OR7E24: variants seen among roughly 807,000 people sequenced by gnomAD.
The protein encoded by OR7E24 is olfactory receptor 7E24.
For missense variants in OR7E24, 385 were observed against 410.3 expected, an observed-to-expected ratio of 0.94 and a Z score of 0.53; for synonymous variants, 130 against 157.5, an observed-to-expected ratio of 0.83 and a Z score of 1.31.
At chr19:9,234,798 A>G in the OR7E24 span, among the ~76,000 whole-genome samples, 1 of 152,230 alleles carries the variant, frequency 6.6e-6, no homozygotes, top group Admixed American at 6.5e-5. Context: ...GAAAATGCGT[A>G]TCTTAATCAT....
chr19:9,223,666 C>A, the OR7E24 span, among the ~76,000 whole-genome samples: 2 of 151,630 alleles, frequency 1.3e-5, no homozygotes, highest in Non-Finnish European at 2.9e-5. Context: ...GAAGCCATGG[C>A]TCATTTTTTA....
chr19:9,243,344 AT>A (rs58510880), upstream of OR7E24, among the ~76,000 whole-genome samples: 18,491 of 138,786 alleles, frequency 0.13, 1,685 homozygotes, highest in African/African-American at 0.29. Flanking sequence ...TTGCTCTGGC[AT>A]TTTTTTTTTT....
At chr19:9,210,126 T>G in the OR7E24 span, 1 of 152,204 alleles carries the variant, frequency 6.6e-6, no homozygotes, top group Non-Finnish European at 1.5e-5. Context: ...ACCTCTACAT[T>G]CCTGTCATTT....
the OR7E24 span, among the ~76,000 whole-genome samples, chr19:9,227,419 G>C: frequency 1.6e-4 from 24 of 152,012 alleles, no homozygotes; most frequent in African/African-American, 5.8e-4. Flanking sequence ...TAGTAGAGAC[G>C]GGGTTTCGCC....
the OR7E24 span, chr19:9,235,304 A>G: frequency 8.0e-7 from 1 of 1,257,858 alleles, no homozygotes; most frequent in African/African-American, 1.5e-5. Flanking sequence ...TCTGACTCCC[A>G]CCTCCACAGC....
the OR7E24 span, among the ~76,000 whole-genome samples, chr19:9,215,729 A>G: frequency 6.6e-6 from 1 of 152,226 alleles, no homozygotes; most frequent in Non-Finnish European, 1.5e-5. Context: ...TACTATTACT[A>G]TTAATCTTAT....
the OR7E24 span, chr19:9,219,205 G>A: frequency 6.6e-6 from 1 of 152,262 alleles, no homozygotes; most frequent in Admixed American, 6.5e-5. Flanking sequence ...AATACCTTGA[G>A]CATAGTAGAT....
chr19:9,230,920 T>C, the OR7E24 span, among the ~76,000 whole-genome samples: 1 of 152,068 alleles, frequency 6.6e-6, no homozygotes, highest in East Asian at 1.9e-4. Flanking sequence ...TATTTATTGA[T>C]TGATTGATTG....
chr19:9,241,484 G>A, the OR7E24 span, among the ~76,000 whole-genome samples: 2 of 152,068 alleles, frequency 1.3e-5, no homozygotes, highest in Admixed American at 1.3e-4. Context: ...ATCCCGGCTC[G>A]ACCAGGCTTG....
At chr19:9,206,829 T>C in the OR7E24 span, 17 of 152,248 alleles carry the variant, frequency 1.1e-4, no homozygotes, top group African/African-American at 4.1e-4. Flanking sequence ...AAGCAGGCTA[T>C]GTGTGACGAA....
the OR7E24 span, among the ~76,000 whole-genome samples, chr19:9,233,389 G>A: frequency 2.6e-5 from 4 of 152,192 alleles, no homozygotes; most frequent in African/African-American, 4.8e-5. Context: ...TATATATGTT[G>A]ATGATCGACT....
the OR7E24 span, among the ~76,000 whole-genome samples, chr19:9,241,249 C>G: frequency 6.6e-6 from 1 of 152,120 alleles, no homozygotes; most frequent in African/African-American, 2.4e-5. Context: ...TTAATAACAT[C>G]CACTTGGCAG....
the OR7E24 span, chr19:9,214,333 A>G: frequency 1.2e-6 from 2 of 1,614,190 alleles, no homozygotes; most frequent in Non-Finnish European, 1.7e-6. Context: ...GTGCCTGTGG[A>G]GAAGGTCAAC....
At chr19:9,234,649 A>G in the OR7E24 span, among the ~76,000 whole-genome samples, 1 of 152,212 alleles carries the variant, frequency 6.6e-6, no homozygotes, top group Non-Finnish European at 1.5e-5. Flanking sequence ...TGTGATTATT[A>G]TGTATTCTAT....
upstream of OR7E24, among the ~76,000 whole-genome samples, chr19:9,244,264 T>A (rs142726387): frequency 6.6e-5 from 10 of 152,182 alleles, no homozygotes; most frequent in African/African-American, 2.4e-4. Context: ...AAAAGAAAAG[T>A]TGAAGGTCTC....
upstream of OR7E24, among the ~76,000 whole-genome samples, chr19:9,250,748 A>G (rs1326739806): frequency 6.6e-6 from 1 of 152,206 alleles, no homozygotes; most frequent in Non-Finnish European, 1.5e-5. Context: ...TAAAGGGGCA[A>G]GAATATTTTT....
At chr19:9,215,008 T>C in the OR7E24 span, 1 of 589,028 alleles carries the variant, frequency 1.7e-6, no homozygotes, top group East Asian at 2.8e-5. Flanking sequence ...CTATTTTTAT[T>C]CTATTTGTGT....
At chr19:9,232,991 C>G in the OR7E24 span, among the ~76,000 whole-genome samples, 1 of 151,502 alleles carries the variant, frequency 6.6e-6, no homozygotes, top group African/African-American at 2.4e-5. Context: ...CACGCTCTGA[C>G]CCCCCTAACC....
chr19:9,226,846 C>T, the OR7E24 span, among the ~76,000 whole-genome samples: 7 of 152,116 alleles, frequency 4.6e-5, no homozygotes, highest in Admixed American at 4.6e-4. Context: ...CAAGTGGCTC[C>T]CTGAGAGGAA....
Sources: allele counts gnomAD v4.1 joint callset (sites outside exome capture counted in the v4.1 genomes callset), GRCh38; gene constraint gnomAD v4.1.1; transcripts MANE v1.5; gene names NCBI Gene and HGNC (gene_info 2026-07-23, HGNC 2026-07-21).